ENPEP: variants seen among roughly 807,000 people sequenced by gnomAD.
ENPEP encodes glutamyl aminopeptidase.
Under a neutral mutation model 114.5 loss-of-function variants are expected in ENPEP, and 103 were observed. That is an observed-to-expected ratio of 0.90 (90% CI 0.77 to 1.06). The LOEUF is 1.06. Among genes scored for constraint, ENPEP ranks in the 50% least tolerant of loss-of-function variants. The pLI is 0.00. For synonymous variants in ENPEP, 420 were observed against 422.0 expected (o/e 1.00, Z 0.06); for missense variants, 1,196 against 1,161.3 (o/e 1.03, Z -0.43).
At chr4:110,561,330 C>A in intron 19 of ENPEP, 76 bp from the exon 20 acceptor site, 2 of 1,495,778 alleles carry the variant, frequency 1.3e-6, no homozygotes, top group Non-Finnish European at 1.8e-6. Context: ...GAAAGCAAAT[C>A]CAGTTTGTGA....
Position 110,509,694 on chromosome 4 carries a change from A to C in ENPEP, c.1081A>C (p.Asn361His). The C allele has an allele frequency of 6.2e-7, 1 of 1,613,882 alleles. No individual in the cohort carries two copies. The highest frequency in any genetic ancestry group is 8.5e-7 in the Non-Finnish European group (1 of 1,179,940). Residue 361 changes from asparagine to histidine, a missense_variant, in exon 5 of 20, where the codon AAC becomes CAC. Asn to His is a moderately conservative substitution (Grantham distance 68). Coordinates refer to ENST00000265162, the MANE Select transcript of ENPEP (RefSeq NM_001977.4). The part of the protein sequence containing the change: ...IPDFGTGAME[N>H]WGLITYRETN... The stretch of plus-strand genomic sequence containing the variant: ...AGATTTTGGCACTGGTGCCATGGAG[A>C]ACTGGGGACTCATCACGTACAGAGA...
intron 3 of ENPEP, among the ~76,000 whole-genome samples, chr4:110,493,557 CAG>C (rs971858560): frequency 6.6e-6 from 1 of 152,130 alleles, no homozygotes; most frequent in African/African-American, 2.4e-5. Flanking sequence ...GACAGGCAGC[CAG>C]AGTTTCCCCT....
At chr4:110,492,572 C>T (rs1437139442) in intron 3 of ENPEP, among the ~76,000 whole-genome samples, 1 of 152,182 alleles carries the variant, frequency 6.6e-6, no homozygotes, top group Non-Finnish European at 1.5e-5. Flanking sequence ...AAAGGGGCTG[C>T]ATATCATGAG....
intron 19 of ENPEP, 106 bp from the exon 20 acceptor site, chr4:110,561,300 A>T: frequency 8.5e-7 from 1 of 1,174,512 alleles, no homozygotes; most frequent in Admixed American, 2.1e-5. Context: ...GTGCAGTGAT[A>T]CTGAATTTCT....
intron 10 of ENPEP, among the ~76,000 whole-genome samples, chr4:110,530,697 G>A (rs957664146): frequency 2.0e-5 from 3 of 152,138 alleles, no homozygotes; most frequent in African/African-American, 7.2e-5. Context: ...TTAGGGGAGG[G>A]TATGAGAGGC....
intron 3 of ENPEP, among the ~76,000 whole-genome samples, chr4:110,505,039 T>C (rs1482264760): frequency 6.6e-6 from 1 of 152,216 alleles, no homozygotes; most frequent in Non-Finnish European, 1.5e-5. Flanking sequence ...ATAGAAAATC[T>C]GAGAGTTTTG....
chr4:110,547,529 A>T (rs1162748193), intron 13 of ENPEP, among the ~76,000 whole-genome samples: 1 of 152,098 alleles, frequency 6.6e-6, no homozygotes, highest in African/African-American at 2.4e-5. Context: ...GAAGTGGGGA[A>T]AGCTGAGCTG....
In ENPEP at chr4:110,562,503, G is replaced by C. The variant is rs553950024; in HGVS notation, c.*945G>C. ...TAAAACTAAATGGAATTAGAATTTA[G>C]CTTTGACCTCACCTAGCAATCTAAG... On this transcript the variant is annotated 3_prime_UTR_variant, in exon 20 of 20. Transcript: ENST00000265162. 1 of 152,128 alleles carries C rather than the reference G, an allele frequency of 6.6e-6. No homozygotes were observed. The highest frequency in any genetic ancestry group is 1.5e-5 in the Non-Finnish European group (1 of 68,006). The allele number at this position is 152,128 out of a possible 1,614,324, so 9.4% of individuals were successfully genotyped here.
At chr4:110,550,794 T>C (rs1727258929) in intron 17 of ENPEP, among the ~76,000 whole-genome samples, 1 of 152,126 alleles carries the variant, frequency 6.6e-6, no homozygotes, top group African/African-American at 2.4e-5. Context: ...TACAGCTTCA[T>C]GGGAGAGGCA....
At chr4:110,515,897 A>G (rs1409867423) in intron 8 of ENPEP, 11 of 426,194 alleles carry the variant, frequency 2.6e-5, no homozygotes, top group African/African-American at 8.3e-5. Context: ...AGAGAGAGAG[A>G]GGGAGAGAGA....
intron 18 of ENPEP, among the ~76,000 whole-genome samples, chr4:110,553,734 CA>C (rs796595591): frequency 5.3e-5 from 8 of 152,116 alleles, no homozygotes; most frequent in African/African-American, 1.9e-4. Flanking sequence ...CAAGTTAATA[CA>C]ATTCTGCCTG....
At chr4:110,513,613 C>G (rs1030929298) in intron 7 of ENPEP, 64 bp downstream of exon 7, 7 of 1,577,634 alleles carry the variant, frequency 4.4e-6, no homozygotes, top group Non-Finnish European at 6.0e-6. Flanking sequence ...TTAGTGGATA[C>G]CTAAAAATGG....
Position 110,549,334 on chromosome 4 carries a change from C to G in ENPEP, c.2152-12C>G, listed in dbSNP as rs768120398. 1.9e-6 allele frequency: 3 copies of G among 1,607,574 alleles called. No individual in the cohort carries two copies. The South Asian group carries it at 3.3e-5, about 18-fold the overall frequency. ...AAATTGTTACTTATTGTACATAATA[C>G]TTTTATTTCAGGAATACTTCCAAGG... On this transcript the variant is annotated splice_polypyrimidine_tract_variant and intron_variant, in intron 14 of 19. Transcript: ENST00000265162.
intron 10 of ENPEP, among the ~76,000 whole-genome samples, chr4:110,521,583 C>T (rs1439070610): frequency 1.3e-5 from 2 of 151,892 alleles, no homozygotes; most frequent in Non-Finnish European, 2.9e-5. Context: ...ACAAACAACT[C>T]CTGACTTTAT....
intron 11 of ENPEP, among the ~76,000 whole-genome samples, chr4:110,541,487 C>G (rs529855609): frequency 6.6e-6 from 1 of 152,214 alleles, no homozygotes; most frequent in African/African-American, 2.4e-5. Context: ...GTTTCATCAT[C>G]TCCACATTAG....
chr4:110,505,728 A>C (rs1725348156), intron 3 of ENPEP, among the ~76,000 whole-genome samples: 1 of 152,218 alleles, frequency 6.6e-6, no homozygotes, highest in African/African-American at 2.4e-5. Context: ...TTGTAGGCTT[A>C]GCAGGTATAT....
At chr4:110,531,552 G>A (rs1044452878) in intron 11 of ENPEP, among the ~76,000 whole-genome samples, 3 of 152,048 alleles carry the variant, frequency 2.0e-5, no homozygotes, top group African/African-American at 7.2e-5. Context: ...GAAGATCAAT[G>A]TGTAAGTTTC....
rs373396405 is a variant in ENPEP, at chr4:110,549,849, G to A, written c.2464G>A (p.Gly822Arg). 1.8e-5 allele frequency: 29 copies of A among 1,612,652 alleles called. No individual in the cohort carries two copies. Among genetic ancestry groups the A allele is most frequent in the Non-Finnish European group, 2.2e-5 (26 of 1,179,332 alleles). ...TCAAGAAAAAGAAAAACTGCTGTAT[G>A]GATTAGCATCAGTGAAGAACGTTAC... ...LAQEKEKLLY[G>R]LASVKNVTLL... is the part of the protein sequence containing the mutation. The change falls in exon 17 of 20, where the codon GGA (glycine) becomes AGA (arginine). Residue 822 changes from glycine to arginine, a missense_variant. Coordinates refer to ENST00000265162, the MANE Select transcript of ENPEP (RefSeq NM_001977.4).
Position 110,476,517 on chromosome 4 carries a change from C to T in ENPEP, c.103C>T (p.Leu35Phe), listed in dbSNP as rs371103875. Reference protein sequence around the residue: ...VVVGVGLIVGLAVGLTRSCDS... With the variant: ...VVVGVGLIVGFAVGLTRSCDS... ...GGTGGGTGTAGGATTAATAGTGGGA[C>T]TTGCCGTGGGCTTGACCAGATCGTG... The change falls in exon 1 of 20, where the codon CTT becomes TTT. Residue 35 changes from leucine (L) to phenylalanine (F), a missense_variant. Transcript: ENST00000265162. 18 of 1,600,846 alleles carry T rather than the reference C, an allele frequency of 1.1e-5. No individual in the cohort carries two copies. In the Middle Eastern group the frequency reaches 5.0e-4, roughly 44 times the overall value.
Sources: gnomAD v4.1 joint callset for allele counts (sites outside exome capture counted in the v4.1 genomes callset) on GRCh38, gnomAD v4.1.1 for gene constraint, MANE v1.5 for transcripts, NCBI Gene and HGNC (gene_info 2026-07-23, HGNC 2026-07-21) for gene names.